The following PCDHA10 variants were observed in gnomAD, a reference collection of about 807,000 sequenced individuals.
PCDHA10 encodes protocadherin alpha 10.
A neutral mutation model predicts 61.2 loss-of-function variants in PCDHA10; 45 were observed. The observed-to-expected ratio is 0.74, with a 90% CI of 0.58 to 0.94. PCDHA10 has a LOEUF of 0.94. Among genes scored for constraint, PCDHA10 ranks in the 40% least tolerant of loss-of-function variants. PCDHA10 has a pLI of 0.00. For missense variants in PCDHA10, 1,278 were observed against 1,236.2 expected (o/e 1.03, Z -0.51); for synonymous variants, 602 against 548.8 (o/e 1.10, Z -1.35).
At chr5:140,944,219 A>G (rs191111426) in intron 1 of PCDHA10, among the ~76,000 whole-genome samples, 202 of 152,176 alleles carry the variant, frequency 1.3e-3, no homozygotes, top group Non-Finnish European at 2.3e-3. Context: ...AGAGGGTTTT[A>G]CTCTGTCGCT....
intron 1 of PCDHA10, among the ~76,000 whole-genome samples, chr5:140,909,888 C>A (rs1391505487): frequency 6.6e-6 from 1 of 152,172 alleles, no homozygotes; most frequent in Admixed American, 6.5e-5. Flanking sequence ...AGACACTGTT[C>A]AGTAGTCCCT....
At chr5:140,996,302 CAA>C (rs2097720989) in intron 3 of PCDHA10, among the ~76,000 whole-genome samples, 1 of 152,274 alleles carries the variant, frequency 6.6e-6, no homozygotes, top group Non-Finnish European at 1.5e-5. Flanking sequence ...CAGATTGTAA[CAA>C]AGTAAGGGGG....
chr5:141,009,770 A>T lies in PCDHA10; in HGVS notation c.2680A>T (p.Ile894Phe). The part of the protein sequence containing the change: ...DKFIIPGSPA[I>F]ISIRQEPTNS... The stretch of plus-strand genomic sequence containing the variant: ...ATTCATTATCCCAGGATCTCCTGCA[A>T]TCATCTCCATCCGGCAGGAGCCTAC... The change falls in exon 4 of 4, where the codon ATC becomes TTC. Residue 894 changes from isoleucine to phenylalanine, a missense_variant. Transcript: ENST00000307360. 6.2e-7 allele frequency: 1 copy of T among 1,614,160 alleles called. No homozygotes were observed. The highest frequency in any genetic ancestry group is 8.5e-7 in the Non-Finnish European group (1 of 1,180,028).
At chr5:140,903,500 G>C (rs553764100) in intron 1 of PCDHA10, among the ~76,000 whole-genome samples, 5 of 152,184 alleles carry the variant, frequency 3.3e-5, no homozygotes, top group Non-Finnish European at 7.3e-5. Flanking sequence ...AGGTACCATA[G>C]ATAATAGTTC....
chr5:140,857,655 C>A lies in PCDHA10; in HGVS notation c.1607C>A (p.Ala536Glu). The A allele has an allele frequency of 1.3e-6, 2 of 1,596,728 alleles. No individual in the cohort carries two copies. The highest frequency in any genetic ancestry group is 2.2e-5 in the East Asian group (1 of 44,824). Residue 536 changes from alanine to glutamate, a missense_variant, in exon 1 of 4, where the codon GCG becomes GAG. Coordinates refer to ENST00000307360, the MANE Select transcript of PCDHA10 (RefSeq NM_018901.4). ...GAGCTGCTACAGTTCCAGGTGAGCGCGCGCGATGGGGGCGTGCCGCCTCTG... is the reference window on the plus strand; with the variant it reads ...GAGCTGCTACAGTTCCAGGTGAGCGAGCGCGATGGGGGCGTGCCGCCTCTG... ...ELELLQFQVS[A>E]RDGGVPPLGS... is the part of the protein sequence containing the mutation.
chr5:140,918,234 T>G (rs1188816850), intron 1 of PCDHA10, among the ~76,000 whole-genome samples: 1 of 152,210 alleles, frequency 6.6e-6, no homozygotes, highest in Non-Finnish European at 1.5e-5. Context: ...TTTTGTACAT[T>G]GATTTTGTAT....
intron 3 of PCDHA10, among the ~76,000 whole-genome samples, chr5:140,996,531 G>C (rs782175834): frequency 6.6e-6 from 1 of 152,146 alleles, no homozygotes; most frequent in Non-Finnish European, 1.5e-5. Context: ...GGCCCTGTGT[G>C]TTTTGATATT....
intron 1 of PCDHA10, among the ~76,000 whole-genome samples, chr5:140,949,542 T>G (rs1418281515): frequency 6.6e-6 from 1 of 151,916 alleles, no homozygotes; most frequent in East Asian, 1.9e-4. Context: ...AATATCGATT[T>G]GTTGCTGGTC....
rs782401003 is a variant in PCDHA10, at chr5:140,858,196, C to T, written c.2148C>T (p.Tyr716=). 3 of 1,597,174 alleles carry T rather than the reference C, an allele frequency of 1.9e-6. No individual in the cohort carries two copies. The East Asian group carries it at 6.7e-5, about 36-fold the overall frequency. Residue 716 remains tyrosine (Y), a synonymous_variant, in exon 1 of 4, where the codon TAC becomes TAT. Coordinates refer to ENST00000307360, the MANE Select transcript of PCDHA10 (RefSeq NM_018901.4). ...SSLLVLTLLL[Y]TALRCSAAPT... ...TGCTGGTGCTCACGCTGCTGCTGTA[C>T]ACTGCACTGAGGTGCTCGGCGGCGC...
intron 1 of PCDHA10, chr5:140,870,430 G>A: frequency 6.2e-7 from 1 of 1,614,226 alleles, no homozygotes; most frequent in Non-Finnish European, 8.5e-7. Context: ...GGTATCCGTG[G>A]AGGTGGCCGA....
chr5:140,991,570 C>T (rs1554252306), intron 3 of PCDHA10, among the ~76,000 whole-genome samples: 1 of 152,220 alleles, frequency 6.6e-6, no homozygotes, highest in Non-Finnish European at 1.5e-5. Context: ...TTTCCAATAA[C>T]AGGCTCCTTA....
chr5:140,983,754 A>T (rs2097065978), intron 3 of PCDHA10, among the ~76,000 whole-genome samples: 3 of 152,210 alleles, frequency 2.0e-5, no homozygotes. Flanking sequence ...AATCCATTCA[A>T]ATTCAAATAC....
chr5:140,957,473 G>A (rs1307847703), intron 1 of PCDHA10, among the ~76,000 whole-genome samples: 1 of 151,954 alleles, frequency 6.6e-6, no homozygotes, highest in Non-Finnish European at 1.5e-5. Context: ...GTATGTATAG[G>A]AAAAAACATA....
At chr5:140,937,386 G>T (rs1450799946) in intron 1 of PCDHA10, among the ~76,000 whole-genome samples, 2 of 152,092 alleles carry the variant, frequency 1.3e-5, no homozygotes, top group African/African-American at 4.8e-5. Context: ...GTGTGTATGT[G>T]TATATAGGGG....
chr5:140,883,859 T>C (rs1554180306), intron 1 of PCDHA10: 12 of 1,613,116 alleles, frequency 7.4e-6, no homozygotes, highest in East Asian at 2.2e-5. Context: ...GCTGGAGCTG[T>C]TGCAGTTCCA....
intron 1 of PCDHA10, chr5:140,966,548 A>G (rs2096020413): frequency 2.1e-6 from 1 of 465,426 alleles, no homozygotes; most frequent in Admixed American, 4.3e-5. Flanking sequence ...CTCGGAGGCG[A>G]GCGGAGGAGC....
chr5:140,857,728 C>T lies in PCDHA10; in HGVS notation c.1680C>T (p.Asn560=), dbSNP rs781841380. ...TGTTCGTGCTGGACGAGAACGACAACGCTCCCGCGCTGCTGGCGTCTCCCG... is the reference window on the plus strand; with the variant it reads ...TGTTCGTGCTGGACGAGAACGACAATGCTCCCGCGCTGCTGGCGTCTCCCG... ...LQVFVLDEND[N]APALLASPAG... Residue 560 remains asparagine (N), a synonymous_variant, in exon 1 of 4, where the codon AAC becomes AAT. Transcript: ENST00000307360. 5.6e-6 allele frequency: 9 copies of T among 1,597,306 alleles called. 1 individual carries two copies. Among genetic ancestry groups the T allele is most frequent in the Non-Finnish European group, 5.1e-6 (6 of 1,167,718 alleles).
intron 1 of PCDHA10, chr5:140,871,159 GC>G (rs1562658226): frequency 6.2e-7 from 1 of 1,613,450 alleles, no homozygotes; most frequent in Non-Finnish European, 8.5e-7. Flanking sequence ...GGCGGGCGCC[GC>G]GAGCCCAGAG....
chr5:140,922,176 CAA>C lies in PCDHA10; in HGVS notation c.2389-56765_2389-56764del, dbSNP rs3836750. ...CAAAAACAACAAAAAGTACAGCAGACAAAAAAAAAGTCTTATCTTTAATGAAA... is the reference window on the plus strand; with the variant it reads ...CAAAAACAACAAAAAGTACAGCAGACAAAAAAAGTCTTATCTTTAATGAAA... On this transcript the variant is annotated intron_variant, in intron 1 of 3. Coordinates refer to ENST00000307360, the MANE Select transcript of PCDHA10 (RefSeq NM_018901.4). 2.6e-3 allele frequency among the ~76,000 whole-genome samples: 394 copies of C among 150,816 alleles called. 1 individual carries two copies. The highest frequency in any genetic ancestry group is 9.1e-3 in the African/African-American group (376 of 41,132).
Sources: allele counts gnomAD v4.1 joint callset (sites outside exome capture counted in the v4.1 genomes callset), GRCh38; gene constraint gnomAD v4.1.1; transcripts MANE v1.5; gene names NCBI Gene and HGNC (gene_info 2026-07-23, HGNC 2026-07-21).